PSMD13: variants seen among roughly 807,000 people sequenced by gnomAD.
The protein encoded by PSMD13 is proteasome 26S subunit, non-ATPase 13.
Under a neutral mutation model 57.4 loss-of-function variants are expected in PSMD13, and 8 were observed. The ratio of observed to expected loss-of-function variants is 0.14; its 90% confidence interval spans 0.08 to 0.25. The LOEUF (loss-of-function observed/expected upper bound fraction) is 0.25, where lower values mean the gene tolerates loss of function less well. PSMD13 is among the 10% of genes least tolerant of loss of function. The pLI is 1.00. For missense variants in PSMD13, 400 were observed against 461.5 expected (o/e 0.87, Z 1.22); for synonymous variants, 193 against 168.2 (o/e 1.15, Z -1.14).
At chr11:247,118 T>C (rs1859664025) in intron 6 of PSMD13, among the ~76,000 whole-genome samples, 159 bp from the exon 7 acceptor site, 1 of 152,188 alleles carries the variant, frequency 6.6e-6, no homozygotes, top group African/African-American at 2.4e-5. Context: ...CACAGTGGCT[T>C]GAACCTGTAA....
chr11:250,775 C>A, intron 9 of PSMD13, 28 bp from the exon 10 acceptor site: 1 of 1,605,890 alleles, frequency 6.2e-7, no homozygotes, highest in Non-Finnish European at 8.5e-7. Context: ...ACATGGAAGA[C>A]ATTTTTCTGT....
At chr11:250,938 A>G (rs536030301) in intron 10 of PSMD13, 73 bp downstream of exon 10, 5 of 1,346,222 alleles carry the variant, frequency 3.7e-6, no homozygotes, top group African/African-American at 2.9e-5. Flanking sequence ...GCACTCTCCA[A>G]GCCTGTGCTG....
At position 237,024 on chromosome 11, in the gene PSMD13, T is replaced by C; in HGVS notation, c.-26T>C. 1 of 1,580,570 alleles carries C rather than the reference T, an allele frequency of 6.3e-7. No homozygotes were observed. The highest frequency in any genetic ancestry group is 8.7e-7 in the Non-Finnish European group (1 of 1,150,222). On this transcript the variant is annotated 5_prime_UTR_variant, in exon 1 of 13. Coordinates refer to ENST00000532097, the MANE Select transcript of PSMD13 (RefSeq NM_002817.4). ...GCGGTGCTGACATCCCGGTTGTTCTTCTGTGCCGGGGGTCTTCCTGCTGTC... is the reference window on the plus strand; with the variant it reads ...GCGGTGCTGACATCCCGGTTGTTCTCCTGTGCCGGGGGTCTTCCTGCTGTC...
In PSMD13 at chr11:244,582, A is replaced by G. The variant is rs1590249256; in HGVS notation, c.310-93A>G. 4.7e-6 allele frequency: 7 copies of G among 1,504,092 alleles called. No individual in the cohort carries two copies. The East Asian group carries it at 1.4e-4, about 29-fold the overall frequency. The allele number at this position is 1,504,092 out of a possible 1,614,324, so 93.2% of individuals were successfully genotyped here. The stretch of plus-strand genomic sequence containing the variant: ...TTTAGAGACCACAAGGCCTCTAGTC[A>G]TCAAGGTTAAGTTAATGTACAAGTA... On this transcript the variant is annotated intron_variant, in intron 5 of 12. Transcript: ENST00000532097.
chr11:252,216 G>T lies in PSMD13; in HGVS notation c.1035+280G>T, dbSNP rs928797359. On this transcript the variant is annotated intron_variant, in intron 12 of 12. Coordinates refer to ENST00000532097, the MANE Select transcript of PSMD13 (RefSeq NM_002817.4). The surrounding 1 kb of genome is among the most constrained non-coding windows in gnomAD (Gnocchi z 4.1). ...GGAGCTCTGATCAGATACGTTCCTG[G>T]TTCTGTGATTTGAGCTCACGTCGCT... 3.9e-6 allele frequency: 2 copies of T among 516,688 alleles called. No individual in the cohort carries two copies. Among genetic ancestry groups the T allele is most frequent in the South Asian group, 2.4e-5 (1 of 41,144 alleles). 32.0% of individuals were successfully genotyped at this position (516,688 alleles called of 1,614,324 possible). A position where few individuals can be genotyped will look rare whatever the true frequency, so the allele number is the denominator to read the frequency against.
rs576686536 is a variant in PSMD13, at chr11:240,207, T to C, written c.174+1131T>C. Reference sequence around the variant, plus strand: ...TCACTGCAACTTCCACCTCCCGAGTTCAAGCGATTCTTCTGCCTCAGCGTC... The same window carrying C: ...TCACTGCAACTTCCACCTCCCGAGTCCAAGCGATTCTTCTGCCTCAGCGTC... On this transcript the variant is annotated intron_variant, in intron 2 of 12. Transcript: ENST00000532097. 3.8e-3 allele frequency among the ~76,000 whole-genome samples: 547 copies of C among 143,412 alleles called. 6 individuals are homozygous for C. The highest frequency in any genetic ancestry group is 0.013 in the African/African-American group (528 of 39,466). 94.1% of individuals were successfully genotyped at this position (143,412 alleles called of 152,430 possible).
chr11:243,974 G>C, intron 2 of PSMD13, 67 bp from the exon 3 acceptor site: 1 of 1,489,738 alleles, frequency 6.7e-7, no homozygotes. Flanking sequence ...CAAAGATAGT[G>C]TTTGGGGTCT....
At chr11:239,810 A>G (rs527705264) in intron 2 of PSMD13, among the ~76,000 whole-genome samples, 5 of 152,248 alleles carry the variant, frequency 3.3e-5, no homozygotes, top group South Asian at 2.1e-4. Flanking sequence ...ATCTTACTCT[A>G]TGATGGCTTT....
intron 1 of PSMD13, among the ~76,000 whole-genome samples, chr11:238,661 A>G (rs949238002): frequency 2.0e-5 from 3 of 152,112 alleles, no homozygotes; most frequent in African/African-American, 7.2e-5. Context: ...ACAGAGTCAG[A>G]CTCTGTCTCA....
intron 1 of PSMD13, 65 bp downstream of exon 1, chr11:237,209 G>A (rs56312618): frequency 0.2 from 295,633 of 1,481,952 alleles, 32,445 homozygotes; most frequent in Non-Finnish European, 0.23. Flanking sequence ...GCAGGCGGGC[G>A]GAGGAGCGGA....
intron 6 of PSMD13, 63 bp from the exon 7 acceptor site, chr11:247,214 C>G: frequency 6.7e-7 from 1 of 1,497,906 alleles, no homozygotes; most frequent in Non-Finnish European, 8.9e-7. Flanking sequence ...GAGACCCTGT[C>G]TCTAAAAAAA....
intron 9 of PSMD13, among the ~76,000 whole-genome samples, chr11:249,945 G>A (rs1859738593): frequency 6.6e-6 from 1 of 152,056 alleles, no homozygotes. Context: ...AAGCACAGAT[G>A]CAGCCAGACC....
intron 1 of PSMD13, among the ~76,000 whole-genome samples, chr11:237,927 A>G (rs1044945757): frequency 2.0e-5 from 3 of 152,254 alleles, no homozygotes; most frequent in Admixed American, 6.5e-5. Flanking sequence ...AGCATTTAAT[A>G]TAATACCTTT....
intron 6 of PSMD13, 57 bp from the exon 7 acceptor site, chr11:247,220 A>G: frequency 6.6e-7 from 1 of 1,524,896 alleles, no homozygotes; most frequent in East Asian, 2.4e-5. Flanking sequence ...CTGTCTCTAA[A>G]AAAATAAAAT....
At chr11:239,187 C>A in intron 2 of PSMD13, 111 bp downstream of exon 2, 1 of 1,073,836 alleles carries the variant, frequency 9.3e-7, no homozygotes, top group Non-Finnish European at 1.4e-6. Flanking sequence ...TCAGCAGTCA[C>A]TTTACGTCAG....
At position 247,468 on chromosome 11, in the gene PSMD13, C is replaced by A. The variant is rs550604139; in HGVS notation, c.568+20C>A. On this transcript the variant is annotated intron_variant, in intron 7 of 12. Transcript: ENST00000532097. The stretch of plus-strand genomic sequence containing the variant: ...TACCAGGTAACCTAGGCCATTAAAT[C>A]CATGTCACACAGGAGCATATTCTCC... 3 of 1,605,660 alleles carry A rather than the reference C, an allele frequency of 1.9e-6. No homozygotes were observed. The South Asian group carries it at 3.3e-5, about 18-fold the overall frequency.
chr11:250,868 A>G lies in PSMD13; in HGVS notation c.837+3A>G, dbSNP rs1859753298. 2 of 1,613,554 alleles carry G rather than the reference A, an allele frequency of 1.2e-6. No homozygotes were observed. Among genetic ancestry groups the G allele is most frequent in the South Asian group, 1.1e-5 (1 of 91,078 alleles). On this transcript the variant is annotated splice_donor_region_variant and intron_variant, in intron 10 of 12. Transcript: ENST00000532097. ...TTCAGTTGTTGTGCCTCATGGAGGT[A>G]AGCGAACACCCAGGAGCCACTTTGT... is the stretch of plus-strand genomic sequence containing the variant.
chr11:245,676 GTGTGTTTGCA>G (rs1859626006), intron 6 of PSMD13, among the ~76,000 whole-genome samples: 1 of 122,670 alleles, frequency 8.2e-6, no homozygotes, highest in Admixed American at 8.3e-5. Flanking sequence ...GTGTGTGTGT[GTGTGTTTGCA>G]TGTGTGTTCG....
At chr11:243,909 T>TG in intron 2 of PSMD13, 132 bp from the exon 3 acceptor site, 1 of 804,716 alleles carries the variant, frequency 1.2e-6, no homozygotes, top group South Asian at 1.6e-5. Context: ...TACTGTGTGC[T>TG]GGGCACTGTG....
Sources: gnomAD v4.1 joint callset for allele counts (sites outside exome capture counted in the v4.1 genomes callset) on GRCh38, gnomAD v4.1.1 for gene constraint, Gnocchi (gnomAD v3.1) non-coding constraint, MANE v1.5 for transcripts, NCBI Gene and HGNC (gene_info 2026-07-23, HGNC 2026-07-21) for gene names.